PCDH15: variants seen among roughly 807,000 people sequenced by gnomAD.
The protein encoded by PCDH15 is protocadherin-15.
A neutral mutation model predicts 178.5 loss-of-function variants in PCDH15; 129 were observed. That is an observed-to-expected ratio of 0.72 (90% confidence interval 0.63 to 0.84). The LOEUF (loss-of-function observed/expected upper bound fraction) is 0.84. PCDH15 is among the 40% of genes least tolerant of loss of function. PCDH15 has a pLI of 0.00. For missense variants in PCDH15, 2,230 were observed against 2,099.9 expected (o/e 1.06, Z -1.21); for synonymous variants, 800 against 732.0 (o/e 1.09, Z -1.50).
intron 2 of PCDH15, among the ~76,000 whole-genome samples, chr10:54,653,749 TG>T (rs2094315215): frequency 6.6e-6 from 1 of 152,232 alleles, no homozygotes; most frequent in Non-Finnish European, 1.5e-5. Flanking sequence ...AATTTCCATA[TG>T]CTTCTCAAGT....
chr10:54,204,481 G>GCATCT, intron 10 of PCDH15, among the ~76,000 whole-genome samples: 1 of 152,056 alleles, frequency 6.6e-6, no homozygotes, highest in East Asian at 1.9e-4. Context: ...GATGTTTGTA[G>GCATCT]CATCTTTTTT....
chr10:53,838,744 T>TAA (rs1482111047), intron 29 of PCDH15, among the ~76,000 whole-genome samples: 1 of 151,468 alleles, frequency 6.6e-6, no homozygotes, highest in Non-Finnish European at 1.5e-5. Flanking sequence ...TTTAAATTAA[T>TAA]AAACTTTTTA....
At chr10:54,435,012 T>A (rs187058493) in intron 3 of PCDH15, among the ~76,000 whole-genome samples, 5 of 151,802 alleles carry the variant, frequency 3.3e-5, no homozygotes, top group Admixed American at 3.3e-4. Context: ...TTAGTGAGAT[T>A]TAGTATATGT....
chr10:54,388,858 C>A (rs1489680715), intron 3 of PCDH15, among the ~76,000 whole-genome samples: 1 of 152,046 alleles, frequency 6.6e-6, no homozygotes, highest in Non-Finnish European at 1.5e-5. Flanking sequence ...ATATAAGGAC[C>A]CTCCTCCATG....
intron 1 of PCDH15, among the ~76,000 whole-genome samples, chr10:55,194,277 T>C (rs546978196): frequency 6.6e-6 from 1 of 152,178 alleles, no homozygotes; most frequent in African/African-American, 2.4e-5. Flanking sequence ...TTTTCTCTCT[T>C]CATCATTCTT....
chr10:54,077,357 A>C (rs975372586), intron 17 of PCDH15, among the ~76,000 whole-genome samples: 12 of 152,164 alleles, frequency 7.9e-5, no homozygotes, highest in African/African-American at 2.9e-4. Flanking sequence ...TTTAGCCCAG[A>C]ACTTATTTTG....
intron 1 of PCDH15, among the ~76,000 whole-genome samples, chr10:54,752,029 T>A (rs941358050): frequency 1.3e-5 from 2 of 152,226 alleles, no homozygotes; most frequent in Non-Finnish European, 2.9e-5. Flanking sequence ...AAAATGTTAT[T>A]CAATATATTT....
chr10:55,236,985 T>C lies in PCDH15; in HGVS notation c.-155-70334A>G, dbSNP rs371673827. Among the ~76,000 whole-genome samples, 52 of 152,236 alleles carry C rather than the reference T, an allele frequency of 3.4e-4. No homozygotes were observed. In the East Asian group the frequency reaches 6.7e-3, roughly 20 times the overall value. ...CGTGTACGCATCACTGGATCTTATT[T>C]TGCAACAGTACTATAAAGAATTTGG... On this transcript the variant is annotated intron_variant, in intron 1 of 5. Coordinates refer to the PCDH15 transcript ENST00000458638.
chr10:54,296,699 C>T (rs1409337541), intron 8 of PCDH15, among the ~76,000 whole-genome samples: 2 of 152,096 alleles, frequency 1.3e-5, no homozygotes, highest in Admixed American at 1.3e-4. Context: ...TTTTAGGACC[C>T]CTCCTCAGGC....
At chr10:55,014,534 A>C (rs2131946754) in intron 2 of PCDH15, among the ~76,000 whole-genome samples, 1 of 152,266 alleles carries the variant, frequency 6.6e-6, no homozygotes, top group South Asian at 2.1e-4. Context: ...AGTGAGCAGC[A>C]CTTCTATACA....
rs1256747065 is a variant in PCDH15 at position 55,423,716 on chromosome 10, C to T, written c.-156+203909G>A. Reference sequence around the variant, plus strand: ...TTCTGATCTGTGAAAAATCTAAATACGCAACATACCTTGATGTGCAGCAGG... The same window carrying T: ...TTCTGATCTGTGAAAAATCTAAATATGCAACATACCTTGATGTGCAGCAGG... On this transcript the variant is annotated intron_variant, in intron 2 of 5. Coordinates refer to the PCDH15 transcript ENST00000613346. Among the ~76,000 whole-genome samples the T allele has an allele frequency of 2.6e-5, 4 of 151,932 alleles. No homozygotes were observed. The East Asian group carries it at 5.8e-4, about 22-fold the overall frequency.
intron 5 of PCDH15, 97 bp downstream of exon 5, chr10:54,369,023 C>G (rs1947237303): frequency 7.4e-7 from 1 of 1,355,618 alleles, no homozygotes; most frequent in East Asian, 2.5e-5. Flanking sequence ...AACAGTTAAG[C>G]TCATAATTTT....
At chr10:54,555,921 C>G (rs1003098985) in intron 2 of PCDH15, among the ~76,000 whole-genome samples, 5 of 146,220 alleles carry the variant, frequency 3.4e-5, no homozygotes, top group Middle Eastern at 3.6e-3. Flanking sequence ...TCACATTTCT[C>G]ACTGACCCAT....
intron 2 of PCDH15, among the ~76,000 whole-genome samples, chr10:55,393,902 C>T (rs76139055): frequency 0.013 from 2,036 of 152,186 alleles, 42 homozygotes; most frequent in African/African-American, 0.045. Context: ...AAAATCCCAC[C>T]CAAAAGTGAA....
chr10:54,153,947 A>G (rs1198266566), intron 13 of PCDH15, among the ~76,000 whole-genome samples: 2 of 152,198 alleles, frequency 1.3e-5, no homozygotes, highest in African/African-American at 2.4e-5. Context: ...ACATAGCCCA[A>G]GAAATGTTTC....
At chr10:54,724,506 C>T (rs994629755) in intron 1 of PCDH15, among the ~76,000 whole-genome samples, 65 of 151,248 alleles carry the variant, frequency 4.3e-4, no homozygotes, top group African/African-American at 1.4e-3. Context: ...AACAAATATG[C>T]ATATATACCC....
At chr10:54,077,990 G>A (rs1004663386) in intron 17 of PCDH15, among the ~76,000 whole-genome samples, 2 of 152,114 alleles carry the variant, frequency 1.3e-5, no homozygotes, top group Non-Finnish European at 2.9e-5. Context: ...TTGAACCCGG[G>A]AGGCTGAGTT....
intron 15 of PCDH15, among the ~76,000 whole-genome samples, chr10:54,124,025 A>G (rs941262702): frequency 1.3e-5 from 2 of 152,182 alleles, no homozygotes; most frequent in Non-Finnish European, 2.9e-5. Context: ...GAGGGAGCGT[A>G]GCAAGGCTGG....
intron 2 of PCDH15, among the ~76,000 whole-genome samples, chr10:55,596,292 T>C (rs1842933756): frequency 6.6e-6 from 1 of 152,140 alleles, no homozygotes; most frequent in Non-Finnish European, 1.5e-5. Context: ...AATTTGATCC[T>C]ACTTTTTTTT....
Sources: allele counts gnomAD v4.1 joint callset (sites outside exome capture counted in the v4.1 genomes callset), GRCh38; gene constraint gnomAD v4.1.1; transcripts MANE v1.5; gene names NCBI Gene and HGNC (gene_info 2026-07-23, HGNC 2026-07-21).